The following PXYLP1 variants were observed in gnomAD, a reference collection of about 807,000 sequenced individuals.
PXYLP1 encodes the protein 2-phosphoxylose phosphatase 1.
Under a neutral mutation model 37.9 loss-of-function variants are expected in PXYLP1, and 17 were observed. That is an observed-to-expected ratio of 0.45 (90% CI 0.31 to 0.67). PXYLP1 has a LOEUF of 0.67. Among genes scored for constraint, PXYLP1 ranks in the 30% least tolerant of loss-of-function variants. PXYLP1 has a pLI of 0.07. For missense variants in PXYLP1, 511 were observed against 612.0 expected (o/e 0.84, Z 1.74); for synonymous variants, 221 against 232.2 (o/e 0.95, Z 0.44).
rs751755176 is a variant in PXYLP1, at chr3:141,292,586, A to G, written c.824A>G (p.Tyr275Cys). 9 of 1,613,988 alleles carry G rather than the reference A, an allele frequency of 5.6e-6. No homozygotes were observed. The highest frequency in any genetic ancestry group is 4.0e-5 in the African/African-American group (3 of 74,930). Reference sequence around the variant, plus strand: ...AAAAACAGCCAGCTGGAGAAGACCTACGGGGAGATGGCCAAGATCGTGGAT... The same window carrying G: ...AAAAACAGCCAGCTGGAGAAGACCTGCGGGGAGATGGCCAAGATCGTGGAT... ...RLKNSQLEKT[Y>C]GEMAKIVDVP... Residue 275 changes from tyrosine to cysteine, a missense_variant, in exon 6 of 6, where the codon TAC becomes TGC. By Grantham distance (194) the Tyr-to-Cys change is radical. Coordinates refer to ENST00000286353, the MANE Select transcript of PXYLP1 (RefSeq NM_001037172.3). The surrounding 1 kb of genome is among the most constrained non-coding windows in gnomAD (Gnocchi z 4.3).
chr3:141,293,082 G>A lies in PXYLP1; in HGVS notation c.1320G>A (p.Lys440=). 6.2e-7 allele frequency: 1 copy of A among 1,614,180 alleles called. No homozygotes were observed. The highest frequency in any genetic ancestry group is 8.5e-7 in the Non-Finnish European group (1 of 1,180,042). The part of the protein sequence containing the change: ...FHTSFCQDHH[K]RSPKPMCPLE... ...CCTCTTTCTGCCAAGACCACCACAA[G>A]CGTTCTCCCAAGCCCATGTGCCCGC... The change falls in exon 6 of 6, where the codon AAG becomes AAA. Residue 440 remains lysine (K), a synonymous_variant. Transcript: ENST00000286353.
intron 1 of PXYLP1, among the ~76,000 whole-genome samples, chr3:141,257,199 G>C (rs1284542543): frequency 6.6e-6 from 1 of 152,126 alleles, no homozygotes; most frequent in Admixed American, 6.5e-5. Flanking sequence ...CTTTTGCTTT[G>C]TATCAAGCAA....
intron 4 of PXYLP1, among the ~76,000 whole-genome samples, chr3:141,287,004 G>A (rs777539900): frequency 5.3e-5 from 8 of 152,166 alleles, no homozygotes; most frequent in Non-Finnish European, 7.4e-5. Flanking sequence ...GGGTGTTGGC[G>A]GCCTCCCGGA....
intron 1 of PXYLP1, among the ~76,000 whole-genome samples, chr3:141,259,245 T>C (rs540533774): frequency 6.0e-4 from 91 of 152,332 alleles, no homozygotes; most frequent in African/African-American, 2.1e-3. Flanking sequence ...AGATTCAAGT[T>C]TGAAATTACC....
Position 141,292,348 on chromosome 3 carries a change from T to C in PXYLP1, c.586T>C (p.Ser196Pro), listed in dbSNP as rs765378391. Residue 196 changes from serine (S) to proline (P), a missense_variant, in exon 6 of 6, where the codon TCT (serine) becomes CCT (proline). Physicochemically the swap from Ser to Pro is moderately conservative, Grantham distance 74. Coordinates refer to ENST00000286353, the MANE Select transcript of PXYLP1 (RefSeq NM_001037172.3). This position sits in a 1 kb window ranked among gnomAD's most constrained non-coding sequence, Gnocchi z 4.3. ...ACACAAACTCCTGCCCAATGATTGG[T>C]CTGCAGACCAGCTCTATTTAGAGAC... ...KKHKLLPNDW[S>P]ADQLYLETTG... 6.2e-7 allele frequency: 1 copy of C among 1,614,114 alleles called. No individual in the cohort carries two copies. The highest frequency in any genetic ancestry group is 2.2e-5 in the East Asian group (1 of 44,880).
chr3:141,271,543 G>C (rs1374520182), intron 2 of PXYLP1, among the ~76,000 whole-genome samples: 2 of 152,182 alleles, frequency 1.3e-5, no homozygotes, highest in African/African-American at 4.8e-5. Flanking sequence ...GCTGATCCCA[G>C]AGCAATGGAG....
intron 2 of PXYLP1, among the ~76,000 whole-genome samples, chr3:141,261,821 A>C (rs951682068): frequency 1.3e-5 from 2 of 152,258 alleles, no homozygotes; most frequent in African/African-American, 2.4e-5. Flanking sequence ...TCTAAAAAGC[A>C]GATGGAACCT....
At chr3:141,276,239 C>G (rs749481024) in intron 2 of PXYLP1, among the ~76,000 whole-genome samples, 1 of 152,122 alleles carries the variant, frequency 6.6e-6, no homozygotes, top group Non-Finnish European at 1.5e-5. Flanking sequence ...CATGACTGTA[C>G]GTATATGTGT....
chr3:141,285,146 T>TTC (rs1553754973), intron 4 of PXYLP1, among the ~76,000 whole-genome samples: 4 of 39,706 alleles, frequency 1.0e-4, no homozygotes, highest in African/African-American at 2.2e-4. Flanking sequence ...TTCTTTTTCT[T>TTC]TTTTTTTTTT....
In PXYLP1 at chr3:141,250,561, C is replaced by T. The variant is rs550992562; in HGVS notation, c.-53-9562C>T. 1.4e-3 allele frequency among the ~76,000 whole-genome samples: 212 copies of T among 152,326 alleles called. 1 individual carries two copies. Among genetic ancestry groups the T allele is most frequent in the African/African-American group, 4.9e-3 (204 of 41,568 alleles). On this transcript the variant is annotated intron_variant, in intron 1 of 5. Coordinates refer to ENST00000286353, the MANE Select transcript of PXYLP1 (RefSeq NM_001037172.3). ...GGTTTGAGTGTGGGCACATGACACACTTCAGCCAGTGAGATGCGATGGGCA... is the reference window on the plus strand; with the variant it reads ...GGTTTGAGTGTGGGCACATGACACATTTCAGCCAGTGAGATGCGATGGGCA...
intron 1 of PXYLP1, among the ~76,000 whole-genome samples, chr3:141,242,112 G>GT (rs1251974613): frequency 6.6e-6 from 1 of 152,180 alleles, no homozygotes; most frequent in African/African-American, 2.4e-5. Context: ...TTGGCTTATA[G>GT]TTTTTTTCTC....
At chr3:141,284,010 C>G (rs1265721465) in intron 4 of PXYLP1, among the ~76,000 whole-genome samples, 2 of 151,780 alleles carry the variant, frequency 1.3e-5, no homozygotes, top group African/African-American at 4.8e-5. Context: ...TTCAATGAGC[C>G]CACAATAATA....
In PXYLP1 at chr3:141,261,034, CCCT is replaced by C. The variant is rs555615979; in HGVS notation, c.79+781_79+783del. On this transcript the variant is annotated intron_variant, in intron 2 of 5. Transcript: ENST00000286353. ...TCATTGTTTCCCTTTCAGCCCTTGCCCCTTCTCCTCTAGGACCCTTCCAGGAAT... is the reference window on the plus strand; with the variant it reads ...TCATTGTTTCCCTTTCAGCCCTTGCCTCTCCTCTAGGACCCTTCCAGGAAT... Among the ~76,000 whole-genome samples, 963 of 152,312 alleles carry C rather than the reference CCCT, an allele frequency of 6.3e-3. 5 individuals carry two copies. Among genetic ancestry groups the C allele is most frequent in the Non-Finnish European group, 8.2e-3 (556 of 68,034 alleles).
intron 5 of PXYLP1, among the ~76,000 whole-genome samples, chr3:141,288,496 T>C (rs992589020): frequency 6.6e-6 from 1 of 152,220 alleles, no homozygotes; most frequent in African/African-American, 2.4e-5. Flanking sequence ...CCACATGCAT[T>C]ACTTTAGAAC....
At chr3:141,257,357 T>A (rs1246805128) in intron 1 of PXYLP1, among the ~76,000 whole-genome samples, 1 of 152,166 alleles carries the variant, frequency 6.6e-6, no homozygotes, top group South Asian at 2.1e-4. Context: ...CAAGCCCCAA[T>A]GCATAAGTAC....
intron 3 of PXYLP1, among the ~76,000 whole-genome samples, 199 bp downstream of exon 3, chr3:141,278,699 G>C (rs1033394522): frequency 6.6e-6 from 1 of 152,226 alleles, no homozygotes; most frequent in African/African-American, 2.4e-5. Context: ...GCCTGGGACT[G>C]GGGAGGTTTC....
chr3:141,255,240 A>C (rs936388361), intron 1 of PXYLP1, among the ~76,000 whole-genome samples: 7 of 152,208 alleles, frequency 4.6e-5, no homozygotes, highest in African/African-American at 1.7e-4. Flanking sequence ...TTTCATCAGG[A>C]ATTCAGAGTA....
intron 2 of PXYLP1, chr3:141,274,408 G>C: frequency 1.4e-6 from 2 of 1,456,096 alleles, no homozygotes; most frequent in Non-Finnish European, 1.8e-6. Flanking sequence ...TGCCATGTTT[G>C]GCTGTGTTTC....
intron 4 of PXYLP1, 43 bp downstream of exon 4, chr3:141,279,547 A>G (rs375619423): frequency 3.1e-6 from 5 of 1,611,680 alleles, no homozygotes; most frequent in African/African-American, 1.3e-5. Flanking sequence ...AGTGTCTGTT[A>G]TATCCTGTAG....
Sources: allele counts gnomAD v4.1 joint callset (sites outside exome capture counted in the v4.1 genomes callset), GRCh38; gene constraint gnomAD v4.1.1; non-coding constraint Gnocchi (gnomAD v3.1); transcripts MANE v1.5; gene names NCBI Gene and HGNC (gene_info 2026-07-23, HGNC 2026-07-21).